The following PSG11 variants were observed in gnomAD, a reference collection of about 807,000 sequenced individuals.
PSG11 encodes the protein pregnancy specific beta-1-glycoprotein 11.
In PSG11, 42 loss-of-function variants were observed where a neutral mutation model predicts 36.0. That is an observed-to-expected ratio of 1.17 (90% CI 0.91 to 1.51). The LOEUF is 1.51. PSG11 is among the 40% of genes most tolerant of loss of function. The pLI, the probability that PSG11 is intolerant of heterozygous loss-of-function variation, is 0.00. For synonymous variants in PSG11, 206 were observed against 153.5 expected (o/e 1.34, Z -2.53); for missense variants, 558 against 403.5 (o/e 1.38, Z -3.28).
At position 43,015,428 on chromosome 19, in the gene PSG11, T is replaced by G. The variant is rs536104417; in HGVS notation, c.710-58A>C. On this transcript the variant is annotated intron_variant, in intron 3 of 5. Transcript: ENST00000320078. ...TCATCTGAGGGAAGGGGAAGCTCCT[T>G]GTCTCTTAAAGGGACACAGTGACCC... 13 of 1,551,076 alleles carry G rather than the reference T, an allele frequency of 8.4e-6. No homozygotes were observed. In the Admixed American group the frequency reaches 9.0e-5, roughly 11 times the overall value.
chr19:43,025,685 T>A (rs1463995170), intron 1 of PSG11, among the ~76,000 whole-genome samples: 2 of 143,822 alleles, frequency 1.4e-5, no homozygotes, highest in African/African-American at 5.3e-5. Flanking sequence ...TTGTTGAGGT[T>A]TTTTATTGAG....
chr19:43,011,711 T>C (rs1599668539), intron 4 of PSG11, among the ~76,000 whole-genome samples: 2 of 150,960 alleles, frequency 1.3e-5, no homozygotes, highest in Non-Finnish European at 3.0e-5. Context: ...CCTGGGGAGA[T>C]ACTGTCTCTA....
chr19:43,026,331 T>G lies in PSG11; in HGVS notation c.42A>C (p.Lys14Asn), dbSNP rs535315963. ...LSAPPCTEHI[K>N]WKGLLLTALL... ...CACCTGTGAGCAGGAGCCCCTTCCA[T>G]TTGATGTGCTCTGTGCAGGGAGGGG... Residue 14 changes from lysine to asparagine, a missense_variant, in exon 1 of 6, where the codon AAA becomes AAC. Coordinates refer to ENST00000320078, the MANE Select transcript of PSG11 (RefSeq NM_002785.3). 27 of 1,610,276 alleles carry G rather than the reference T, an allele frequency of 1.7e-5. 3 individuals are homozygous for G. The highest frequency in any genetic ancestry group is 9.4e-5 in the African/African-American group (7 of 74,334).
At chr19:43,023,803 G>A (rs1334120753) in intron 2 of PSG11, among the ~76,000 whole-genome samples, 3 of 151,182 alleles carry the variant, frequency 2.0e-5, no homozygotes, top group Non-Finnish European at 4.4e-5. Context: ...TAAGTTAAAT[G>A]GCAAATGGAC....
chr19:43,025,776 G>A (rs534822448), intron 1 of PSG11, among the ~76,000 whole-genome samples: 4 of 149,982 alleles, frequency 2.7e-5, no homozygotes, highest in Admixed American at 2.7e-4. Flanking sequence ...AAATGTGGTG[G>A]CCCCTGATGA....
chr19:43,023,061 C>T (rs114235671), intron 2 of PSG11, among the ~76,000 whole-genome samples: 2,573 of 150,478 alleles, frequency 0.017, 155 homozygotes, highest in African/African-American at 0.06. Context: ...GACTTCAGAG[C>T]CCCCAGGAAC....
At chr19:43,025,281 C>G in intron 1 of PSG11, 3 of 820,120 alleles carry the variant, frequency 3.7e-6, no homozygotes, top group Non-Finnish European at 5.4e-6. Context: ...AGCAGCATGA[C>G]CCCCATTCCT....
At chr19:43,015,968 C>A in intron 3 of PSG11, 2 of 1,610,084 alleles carry the variant, frequency 1.2e-6, no homozygotes, top group Non-Finnish European at 1.7e-6. Flanking sequence ...CTCTTAGGTT[C>A]ACAGGTGAAG....
Position 43,024,798 on chromosome 19 carries a change from A to C in PSG11, c.323T>G (p.Leu108Arg). The C allele has an allele frequency of 6.2e-7, 1 of 1,612,072 alleles. No homozygotes were observed. The highest frequency in any genetic ancestry group is 8.5e-7 in the Non-Finnish European group (1 of 1,179,118). The change falls in exon 2 of 6, where the codon CTG becomes CGG. Residue 108 changes from leucine (L) to arginine (R), a missense_variant. Coordinates refer to ENST00000320078, the MANE Select transcript of PSG11 (RefSeq NM_002785.3). ...RETVYSNASL[L>R]IQNVTREDAG... is the part of the protein sequence containing the mutation. Reference sequence around the variant, plus strand: ...GTCCTCCCGGGTGACATTCTGGATCAGCAGGGATGCATTGGAATATACTGT... The same window carrying C: ...GTCCTCCCGGGTGACATTCTGGATCCGCAGGGATGCATTGGAATATACTGT...
chr19:43,022,794 C>A lies in PSG11; in HGVS notation c.430+1897G>T, dbSNP rs929372770. ...CTGGGGACATTGGCTCGAGATGAAG[C>A]CTGGCAGGAGTGGCAACTCCAGGTG... On this transcript the variant is annotated intron_variant, in intron 2 of 5. Coordinates refer to ENST00000320078, the MANE Select transcript of PSG11 (RefSeq NM_002785.3). 6.4e-4 allele frequency among the ~76,000 whole-genome samples: 97 copies of A among 151,054 alleles called. 5 individuals carry two copies. The highest frequency in any genetic ancestry group is 2.3e-3 in the African/African-American group (95 of 40,910).
intron 3 of PSG11, 129 bp from the exon 4 acceptor site, chr19:43,015,499 G>A: frequency 7.3e-7 from 1 of 1,361,022 alleles, no homozygotes; most frequent in Non-Finnish European, 1.0e-6. Context: ...CCCCCTCTAT[G>A]TTCACTGAGC....
In PSG11 at chr19:43,026,395, T is replaced by C; in HGVS notation, c.-23A>G. 2 of 1,607,110 alleles carry C rather than the reference T, an allele frequency of 1.2e-6. No individual in the cohort carries two copies. The highest frequency in any genetic ancestry group is 1.7e-6 in the Non-Finnish European group (2 of 1,176,146). ...CATGATCTCTGCTGCGTGCATGTTC[T>C]CCTCTGTGGAGATGAGCCTAGGATC... On this transcript the variant is annotated 5_prime_UTR_variant, in exon 1 of 6. Coordinates refer to ENST00000320078, the MANE Select transcript of PSG11 (RefSeq NM_002785.3).
intron 3 of PSG11, among the ~76,000 whole-genome samples, chr19:43,017,048 T>C (rs544129647): frequency 6.6e-6 from 1 of 151,510 alleles, no homozygotes; most frequent in African/African-American, 2.4e-5. Flanking sequence ...GTAAATGGAT[T>C]CCAGAGTGAA....
rs1967039403 is a variant in PSG11, at chr19:43,019,043, T to G, written c.436A>C (p.Thr146Pro). Residue 146 changes from threonine to proline, a missense_variant, in exon 3 of 6, where the codon ACT becomes CCT. Transcript: ENST00000320078. ...CTGCTGGAGATGGAGGGCTTGGGAG[T>G]CTCCACTGTGCAGAAAACAGAGAGA... is the stretch of plus-strand genomic sequence containing the variant. ...GYFTFTLYLE[T>P]PKPSISSSNL... 6.2e-7 allele frequency: 1 copy of G among 1,610,518 alleles called. No individual in the cohort carries two copies. Among genetic ancestry groups the G allele is most frequent in the Non-Finnish European group, 8.5e-7 (1 of 1,178,562 alleles).
intron 3 of PSG11, among the ~76,000 whole-genome samples, 182 bp from the exon 4 acceptor site, chr19:43,015,552 G>A (rs1242133747): frequency 1.3e-5 from 2 of 151,282 alleles, no homozygotes; most frequent in Non-Finnish European, 2.9e-5. Context: ...CACAAGCTGT[G>A]GGCCCCAAGT....
At chr19:43,016,048 G>A in intron 3 of PSG11, 1 of 1,607,548 alleles carries the variant, frequency 6.2e-7, no homozygotes, top group South Asian at 1.1e-5. Flanking sequence ...CAGCTTTGCT[G>A]TGTGGATAAC....
At chr19:43,016,345 A>C (rs4029167) in intron 3 of PSG11, among the ~76,000 whole-genome samples, 67,713 of 150,716 alleles carry the variant, frequency 0.45, 16,688 homozygotes, top group East Asian at 0.89. Context: ...CAGTCCCTCC[A>C]TAATCAGTTG....
chr19:43,025,261 G>A (rs1261077028), intron 1 of PSG11: 2 of 970,344 alleles, frequency 2.1e-6, no homozygotes, highest in East Asian at 2.8e-5. Flanking sequence ...TGTCCTACTA[G>A]GTCAAGGTCA....
Position 43,013,253 on chromosome 19 carries a change from A to G in PSG11, c.964+1863T>C, listed in dbSNP as rs923103998. Among the ~76,000 whole-genome samples the G allele has an allele frequency of 4.0e-5, 6 of 151,548 alleles. 1 individual carries two copies. The highest frequency in any genetic ancestry group is 1.5e-4 in the African/African-American group (6 of 41,110). ...AAAAGCATAGGCAACAAATAAAATC[A>G]ATAAATCGGACTTCACAAAAATCAA... On this transcript the variant is annotated intron_variant, in intron 4 of 5. Transcript: ENST00000320078.
Sources: gnomAD v4.1 joint callset for allele counts (sites outside exome capture counted in the v4.1 genomes callset) on GRCh38, gnomAD v4.1.1 for gene constraint, MANE v1.5 for transcripts, NCBI Gene and HGNC (gene_info 2026-07-23, HGNC 2026-07-21) for gene names.